The following ADAMTSL1 variants were observed in gnomAD, a reference collection of about 807,000 sequenced individuals.
ADAMTSL1 encodes ADAMTS like 1.
ADAMTSL1 carries 126 observed loss-of-function variants against 201.8 expected under a neutral mutation model. The observed-to-expected ratio is 0.62, with a 90% CI of 0.54 to 0.72. The LOEUF is 0.72. ADAMTSL1 is among the 30% of genes least tolerant of loss of function. The probability of loss-of-function intolerance (pLI) is 0.00; values close to 1 mark genes in which losing one functional copy is unlikely to be tolerated. For missense variants in ADAMTSL1, 2,679 were observed against 2,277.8 expected (o/e 1.18, Z -3.59); for synonymous variants, 1,121 against 903.4 (o/e 1.24, Z -4.32).
chr9:18,824,928 C>A (rs1030486177), intron 21 of ADAMTSL1, among the ~76,000 whole-genome samples: 5 of 152,056 alleles, frequency 3.3e-5, no homozygotes, highest in Non-Finnish European at 7.4e-5. Flanking sequence ...AAACTCCTGA[C>A]CTTGTGATCT....
At chr9:17,938,539 A>G (rs184618518) in intron 1 of ADAMTSL1, among the ~76,000 whole-genome samples, 1 of 152,248 alleles carries the variant, frequency 6.6e-6, no homozygotes, top group East Asian at 1.9e-4. Context: ...AGTATTCCCT[A>G]TAATTTGTTC....
Position 17,910,422 on chromosome 9 carries a change from A to C in ADAMTSL1, c.87+3500A>C, listed in dbSNP as rs977409397. On this transcript the variant is annotated intron_variant, in intron 1 of 29. Transcript: ENST00000680146. ...CTGTTCAAACTCACTTCAAGTCATT[A>C]GGTGCTTTCTTGGCATTCATGACAA... Among the ~76,000 whole-genome samples the C allele has an allele frequency of 5.9e-5, 4 of 68,346 alleles. 1 individual carries two copies. Among genetic ancestry groups the C allele is most frequent in the African/African-American group, 1.2e-4 (4 of 33,870 alleles). The allele number at this position is 68,346 out of a possible 152,430, so 44.8% of individuals were successfully genotyped here. A position where few individuals can be genotyped will look rare whatever the true frequency, so the allele number is the denominator to read the frequency against.
At chr9:18,831,896 C>T (rs886887524) in intron 23 of ADAMTSL1, among the ~76,000 whole-genome samples, 6 of 152,082 alleles carry the variant, frequency 3.9e-5, no homozygotes, top group African/African-American at 7.2e-5. Flanking sequence ...TTGAGACAGG[C>T]AGAGCCTCAT....
intron 1 of ADAMTSL1, among the ~76,000 whole-genome samples, chr9:18,033,617 G>GAA (rs1327830566): frequency 6.6e-5 from 10 of 152,154 alleles, no homozygotes; most frequent in Non-Finnish European, 1.3e-4. Flanking sequence ...ACCATCCTTT[G>GAA]ATACAGAAAT....
intron 4 of ADAMTSL1, among the ~76,000 whole-genome samples, chr9:18,605,792 T>A (rs1438432142): frequency 1.3e-5 from 2 of 152,200 alleles, no homozygotes; most frequent in Admixed American, 6.5e-5. Context: ...TTTCTAAATG[T>A]TTTTATTTTA....
intron 1 of ADAMTSL1, among the ~76,000 whole-genome samples, chr9:18,073,685 C>A (rs1823064970): frequency 6.6e-6 from 1 of 152,118 alleles, no homozygotes; most frequent in South Asian, 2.1e-4. Flanking sequence ...TTTTTTATAA[C>A]CTTGGAACTG....
chr9:18,345,110 C>T (rs1289904865), intron 2 of ADAMTSL1, among the ~76,000 whole-genome samples: 1 of 152,118 alleles, frequency 6.6e-6, no homozygotes, highest in Non-Finnish European at 1.5e-5. Context: ...CATTCACTTT[C>T]ACTCTGACTT....
At chr9:18,453,918 T>C (rs1820508850) in intron 2 of ADAMTSL1, among the ~76,000 whole-genome samples, 1 of 152,206 alleles carries the variant, frequency 6.6e-6, no homozygotes, top group Admixed American at 6.5e-5. Flanking sequence ...AGGAAACTCA[T>C]TCTTATAATT....
chr9:18,014,112 A>G (rs1048306779), intron 1 of ADAMTSL1, among the ~76,000 whole-genome samples: 1 of 152,012 alleles, frequency 6.6e-6, no homozygotes, highest in African/African-American at 2.4e-5. Context: ...TTTTAAGTAT[A>G]CTTTTTCACA....
chr9:17,943,825 C>A (rs536418480), intron 1 of ADAMTSL1, among the ~76,000 whole-genome samples: 1 of 152,040 alleles, frequency 6.6e-6, no homozygotes, highest in Non-Finnish European at 1.5e-5. Flanking sequence ...GCAGGCTATA[C>A]AGAAAGCATG....
chr9:18,686,925 C>A (rs1179181997), intron 13 of ADAMTSL1, among the ~76,000 whole-genome samples: 3 of 152,242 alleles, frequency 2.0e-5, no homozygotes, highest in Admixed American at 6.5e-5. Flanking sequence ...TTAATAAAAT[C>A]TTTAAAGTAG....
intron 2 of ADAMTSL1, among the ~76,000 whole-genome samples, chr9:18,374,588 C>A (rs1837201611): frequency 1.3e-5 from 2 of 152,220 alleles, no homozygotes; most frequent in South Asian, 4.2e-4. Context: ...CCTGTCTCAG[C>A]CTCCCAAAAT....
At chr9:18,528,471 T>C (rs187993283) in intron 2 of ADAMTSL1, among the ~76,000 whole-genome samples, 8 of 152,258 alleles carry the variant, frequency 5.3e-5, no homozygotes, top group African/African-American at 1.9e-4. Flanking sequence ...GATTTTCTGT[T>C]CCTCCATTAG....
chr9:17,952,729 G>A (rs901489354), intron 1 of ADAMTSL1, among the ~76,000 whole-genome samples: 9 of 152,046 alleles, frequency 5.9e-5, no homozygotes, highest in African/African-American at 1.4e-4. Flanking sequence ...GTTTCACCAC[G>A]TTGGCCAGGC....
At chr9:18,762,241 C>T (rs1188195290) in intron 16 of ADAMTSL1, among the ~76,000 whole-genome samples, 1 of 151,960 alleles carries the variant, frequency 6.6e-6, no homozygotes, top group Non-Finnish European at 1.5e-5. Flanking sequence ...ACAATGAGCC[C>T]TTATAGAAGA....
intron 1 of ADAMTSL1, among the ~76,000 whole-genome samples, chr9:17,931,187 C>G (rs1046997983): frequency 1.3e-5 from 2 of 152,122 alleles, no homozygotes; most frequent in Non-Finnish European, 2.9e-5. Flanking sequence ...TTATCTGAGC[C>G]AAAGCTTACC....
chr9:18,665,707 C>T (rs1829389152), intron 9 of ADAMTSL1, among the ~76,000 whole-genome samples: 2 of 152,044 alleles, frequency 1.3e-5, no homozygotes, highest in African/African-American at 4.8e-5. Context: ...TGTTCCTCCT[C>T]CTTACACTCA....
At chr9:18,709,847 T>C (rs1185201566) in intron 14 of ADAMTSL1, among the ~76,000 whole-genome samples, 3 of 152,148 alleles carry the variant, frequency 2.0e-5, no homozygotes, top group Non-Finnish European at 4.4e-5. Context: ...TGACATTGAC[T>C]TCAGCAAAAA....
intron 2 of ADAMTSL1, among the ~76,000 whole-genome samples, chr9:18,357,954 T>C (rs1290739523): frequency 6.6e-6 from 1 of 152,182 alleles, no homozygotes; most frequent in East Asian, 1.9e-4. Flanking sequence ...TATTTTACTT[T>C]GTTGTTGTTC....
Sources: allele counts gnomAD v4.1 joint callset (sites outside exome capture counted in the v4.1 genomes callset), GRCh38; gene constraint gnomAD v4.1.1; transcripts MANE v1.5; gene names NCBI Gene and HGNC (gene_info 2026-07-23, HGNC 2026-07-21).